Variants in HADHB observed in about 807,000 individuals in gnomAD.
The protein encoded by HADHB is trifunctional enzyme subunit beta, mitochondrial.
A neutral mutation model predicts 61.9 loss-of-function variants in HADHB; 50 were observed. The ratio of observed to expected loss-of-function variants is 0.81; its 90% CI spans 0.64 to 1.02. The LOEUF (loss-of-function observed/expected upper bound fraction) is 1.02, where lower values mean the gene tolerates loss of function less well. Among genes scored for constraint, HADHB ranks in the 50% least tolerant of loss-of-function variants. The pLI is 0.00. For missense variants in HADHB, 504 were observed against 586.5 expected, an observed-to-expected ratio of 0.86 and a Z score of 1.45; for synonymous variants, 191 against 201.6, an observed-to-expected ratio of 0.95 and a Z score of 0.45.
chr2:26,282,960 CTTTAT>C, intron 11 of HADHB, 36 bp downstream of exon 11: 1 of 1,592,076 alleles, frequency 6.3e-7, no homozygotes, highest in Non-Finnish European at 8.6e-7. Flanking sequence ...TCTCTGATTT[CTTTAT>C]TTTATTACCA....
chr2:26,280,122 GT>G lies in HADHB; in HGVS notation c.933+8del. On this transcript the variant is annotated splice_region_variant and intron_variant, in intron 10 of 15. Coordinates refer to ENST00000317799, the MANE Select transcript of HADHB (RefSeq NM_000183.3). ...TGCAAATTCTTCTTTCTTGGTAACTGTCAATGTTATTTGTATTTAGTAGTGA... is the reference window on the plus strand; with the variant it reads ...TGCAAATTCTTCTTTCTTGGTAACTGCAATGTTATTTGTATTTAGTAGTGA... 1.9e-6 allele frequency: 3 copies of G among 1,608,282 alleles called. No individual in the cohort carries two copies. Among genetic ancestry groups the G allele is most frequent in the Non-Finnish European group, 2.6e-6 (3 of 1,174,760 alleles).
At position 26,254,393 on chromosome 2, in the gene HADHB, G is replaced by T. The variant is rs1239539401; in HGVS notation, c.65-37G>T. On this transcript the variant is annotated intron_variant, in intron 2 of 15. Transcript: ENST00000317799. Reference sequence around the variant, plus strand: ...AAACATCTCGCACAGATACTGAATGGTATTGCTTTTTGTAAACAGTTTATT... The same window carrying T: ...AAACATCTCGCACAGATACTGAATGTTATTGCTTTTTGTAAACAGTTTATT... The T allele has an allele frequency of 2.0e-6, 3 of 1,536,668 alleles. No individual in the cohort carries two copies. In the Admixed American group the frequency reaches 5.0e-5, roughly 26 times the overall value.
intron 1 of HADHB, among the ~76,000 whole-genome samples, chr2:26,250,342 A>G (rs139506079): frequency 0.011 from 1,668 of 152,290 alleles, 19 homozygotes; most frequent in Middle Eastern, 0.051. Flanking sequence ...TTTATGGATT[A>G]TGGGTATCAA....
chr2:26,280,522 TGAA>T (rs1672741955), intron 10 of HADHB, among the ~76,000 whole-genome samples: 2 of 152,204 alleles, frequency 1.3e-5, no homozygotes, highest in South Asian at 4.2e-4. Flanking sequence ...CAGCAAATCT[TGAA>T]GGAAGAGTAA....
chr2:26,264,705 C>CT (rs1362219055), intron 4 of HADHB, among the ~76,000 whole-genome samples: 1 of 151,624 alleles, frequency 6.6e-6, no homozygotes, highest in African/African-American at 2.4e-5. Flanking sequence ...AATATATTTT[C>CT]TTACAGAAGT....
intron 12 of HADHB, among the ~76,000 whole-genome samples, chr2:26,283,437 T>TGAACCCGAGA (rs1456206977): frequency 3.3e-5 from 5 of 152,072 alleles, no homozygotes; most frequent in African/African-American, 1.2e-4. Flanking sequence ...GGCAAGAGAA[T>TGAACCCGAGA]GGCATGAACC....
At chr2:26,249,220 A>G (rs961250186) in intron 1 of HADHB, among the ~76,000 whole-genome samples, 4 of 151,874 alleles carry the variant, frequency 2.6e-5, no homozygotes, top group Admixed American at 2.0e-4. Flanking sequence ...AGAAAATTCA[A>G]ATCAAATTGG....
intron 1 of HADHB, among the ~76,000 whole-genome samples, chr2:26,249,114 G>A (rs1164465389): frequency 6.6e-6 from 1 of 151,870 alleles, no homozygotes. Flanking sequence ...TATACATTTT[G>A]TTTATTTGGC....
rs887604101 is a variant in HADHB, at chr2:26,284,136, A to C, written c.1081A>C (p.Lys361Gln). ...LLLGPTYATPKVLEKAGLTMN... is the reference protein window; with the variant it reads ...LLLGPTYATPQVLEKAGLTMN... ...TTGCAGACCAACATATGCTACTCCA[A>C]AAGTTCTAGAAAAGGCAGGATTGAC... is the stretch of plus-strand genomic sequence containing the variant. The change falls in exon 13 of 16, where the codon AAA becomes CAA. Residue 361 changes from lysine (K) to glutamine (Q), a missense_variant. Transcript: ENST00000317799. 6.3e-7 allele frequency: 1 copy of C among 1,593,482 alleles called. No homozygotes were observed.
At chr2:26,263,511 C>T (rs758902720) in intron 4 of HADHB, 32 bp downstream of exon 4, 3 of 1,358,260 alleles carry the variant, frequency 2.2e-6, no homozygotes, top group Admixed American at 1.7e-5. Flanking sequence ...TATTTTTTTC[C>T]TTCTTTTAAG....
chr2:26,262,029 T>G (rs1366195718), intron 3 of HADHB, among the ~76,000 whole-genome samples: 2 of 152,186 alleles, frequency 1.3e-5, no homozygotes, highest in Non-Finnish European at 2.9e-5. Context: ...TACCTCCTTG[T>G]TGCCTTTATC....
intron 3 of HADHB, among the ~76,000 whole-genome samples, chr2:26,255,977 A>G (rs945380502): frequency 6.6e-6 from 1 of 152,264 alleles, no homozygotes; most frequent in Non-Finnish European, 1.5e-5. Context: ...GGAGAAGGTC[A>G]TTCTGAATAC....
In HADHB at chr2:26,285,531, G is replaced by C; in HGVS notation, c.1349G>C (p.Gly450Ala). 1.9e-6 allele frequency: 3 copies of C among 1,614,088 alleles called. No homozygotes were observed. Among genetic ancestry groups the C allele is most frequent in the Non-Finnish European group, 2.5e-6 (3 of 1,179,964 alleles). ...GCCAACAGATTACGGAAAGAAGGAG[G>C]CCAGTATGGCTTAGTGGCTGCGTGT... is the stretch of plus-strand genomic sequence containing the variant. ...AAANRLRKEG[G>A]QYGLVAACAA... The change falls in exon 15 of 16, where the codon GGC becomes GCC. Residue 450 changes from glycine to alanine, a missense_variant. Coordinates refer to ENST00000317799, the MANE Select transcript of HADHB (RefSeq NM_000183.3).
At chr2:26,275,563 T>C (rs2147821785) in intron 6 of HADHB, among the ~76,000 whole-genome samples, 1 of 152,308 alleles carries the variant, frequency 6.6e-6, no homozygotes, top group South Asian at 2.1e-4. Flanking sequence ...AATCGAGCCA[T>C]TGCAACCTAA....
chr2:26,266,996 C>G (rs1010239195), intron 4 of HADHB, among the ~76,000 whole-genome samples: 1 of 151,190 alleles, frequency 6.6e-6, no homozygotes, highest in African/African-American at 2.4e-5. Flanking sequence ...CTGGATTTAC[C>G]TATGAAAAAT....
chr2:26,246,418 C>T (rs966509498), intron 1 of HADHB, among the ~76,000 whole-genome samples: 5 of 151,690 alleles, frequency 3.3e-5, no homozygotes, highest in Non-Finnish European at 7.4e-5. Context: ...TCTTGGCTCA[C>T]TGCAGCCTCC....
At chr2:26,245,158 A>C (rs1487719812) in intron 1 of HADHB, 168 bp downstream of exon 1, 1 of 205,366 alleles carries the variant, frequency 4.9e-6, no homozygotes, top group African/African-American at 2.3e-5. Flanking sequence ...TGCTAGCTGC[A>C]GTTAGGACAG....
chr2:26,282,102 C>A (rs751860817), intron 10 of HADHB, among the ~76,000 whole-genome samples: 6 of 151,728 alleles, frequency 4.0e-5, no homozygotes, highest in Non-Finnish European at 7.4e-5. Flanking sequence ...ATAAAATGAC[C>A]TGTAAGCCAC....
chr2:26,285,333 G>A lies in HADHB; in HGVS notation c.1225-74G>A, dbSNP rs140386266. The A allele has an allele frequency of 2.7e-3, 3,390 of 1,263,856 alleles. 46 individuals carry two copies. In the Admixed American group the frequency reaches 0.029, roughly 11 times the overall value. 78.3% of individuals were successfully genotyped at this position (1,263,856 alleles called of 1,614,324 possible). A position where few individuals can be genotyped will look rare whatever the true frequency, so the allele number is the denominator to read the frequency against. On this transcript the variant is annotated intron_variant, in intron 14 of 15. Coordinates refer to ENST00000317799, the MANE Select transcript of HADHB (RefSeq NM_000183.3). ...TATTTTCCTCTATCTCTCTTACTTCGTAGTACTAAGAGCCTAGCTTGATTC... is the reference window on the plus strand; with the variant it reads ...TATTTTCCTCTATCTCTCTTACTTCATAGTACTAAGAGCCTAGCTTGATTC...
Sources: allele counts gnomAD v4.1 joint callset (sites outside exome capture counted in the v4.1 genomes callset), GRCh38; gene constraint gnomAD v4.1.1; transcripts MANE v1.5; gene names NCBI Gene and HGNC (gene_info 2026-07-23, HGNC 2026-07-21).